Variants in NFIC observed in about 807,000 individuals in gnomAD.
NFIC encodes the protein nuclear factor 1 C-type.
NFIC carries 12 observed loss-of-function variants against 54.4 expected under a neutral mutation model. The observed-to-expected ratio is 0.22, with a 90% CI of 0.14 to 0.36. The LOEUF (loss-of-function observed/expected upper bound fraction) is 0.36. Among genes scored for constraint, NFIC ranks in the 10% least tolerant of loss-of-function variants. The pLI is 1.00. For synonymous variants in NFIC, 322 were observed against 319.2 expected (o/e 1.01, Z -0.09); for missense variants, 575 against 718.2 (o/e 0.80, Z 2.28).
rs1321389410 is a variant in NFIC, at chr19:3,369,924, T to C, written c.30+3258T>C. 6.6e-6 allele frequency among the ~76,000 whole-genome samples: 1 copy of C among 152,186 alleles called. No individual in the cohort carries two copies. Among genetic ancestry groups the C allele is most frequent in the African/African-American group, 2.4e-5 (1 of 41,452 alleles). ...CGTCCCATGCCCTCTCGGAGCACAA[T>C]GTGCTTTGCTGCCATTTCTCCAGCA... On this transcript the variant is annotated intron_variant, in intron 1 of 10. Transcript: ENST00000443272. The surrounding 1 kb of genome is among the most constrained non-coding windows in gnomAD (Gnocchi z 4.3).
At chr19:3,398,462 T>G (rs2081500101) in intron 2 of NFIC, among the ~76,000 whole-genome samples, 1 of 152,190 alleles carries the variant, frequency 6.6e-6, no homozygotes, top group Non-Finnish European at 1.5e-5. Flanking sequence ...TTGTGCAGCT[T>G]CAGGCTGCTC....
In NFIC at chr19:3,368,780, G is replaced by A. The variant is rs545704399; in HGVS notation, c.30+2114G>A. Among the ~76,000 whole-genome samples, 36 of 152,352 alleles carry A rather than the reference G, an allele frequency of 2.4e-4. 1 individual carries two copies. The South Asian group carries it at 7.2e-3, about 31-fold the overall frequency. On this transcript the variant is annotated intron_variant, in intron 1 of 10. Coordinates refer to ENST00000443272, the MANE Select transcript of NFIC (RefSeq NM_001245002.2). Reference sequence around the variant, plus strand: ...GCTGGGGGACTCAGAAGGACCCTGAGTGCCCCATGCAGGAGCCTCCCACCC... The same window carrying A: ...GCTGGGGGACTCAGAAGGACCCTGAATGCCCCATGCAGGAGCCTCCCACCC...
intron 2 of NFIC, among the ~76,000 whole-genome samples, chr19:3,424,825 C>T (rs1341731364): frequency 6.6e-6 from 1 of 152,214 alleles, no homozygotes; most frequent in African/African-American, 2.4e-5. Flanking sequence ...CTGAGCCGCC[C>T]CTGCAGAAGC....
intron 1 of NFIC, among the ~76,000 whole-genome samples, chr19:3,374,864 G>A (rs1243333207): frequency 6.6e-6 from 1 of 152,154 alleles, no homozygotes; most frequent in African/African-American, 2.4e-5. Flanking sequence ...CCCCTGGGGA[G>A]GACAAGGGAG....
chr19:3,365,933 C>G (rs1043863167), upstream of NFIC, among the ~76,000 whole-genome samples: 6 of 152,182 alleles, frequency 3.9e-5, no homozygotes, highest in African/African-American at 1.4e-4. Context: ...GAGAAGGGAG[C>G]CAGGGTGCTG....
At chr19:3,450,213 C>G (rs1399720321) in intron 7 of NFIC, among the ~76,000 whole-genome samples, 1 of 141,870 alleles carries the variant, frequency 7.0e-6, no homozygotes, top group African/African-American at 2.6e-5. Context: ...GGCGTGGTGG[C>G]AGGCGCCTGT....
At position 3,463,050 on chromosome 19, in the gene NFIC, AGG is replaced by A. The variant is rs2082664490; in HGVS notation, c.*282_*283del. 3 of 1,338,184 alleles carry A rather than the reference AGG, an allele frequency of 2.2e-6. No homozygotes were observed. Among genetic ancestry groups the A allele is most frequent in the Non-Finnish European group, 2.9e-6 (3 of 1,047,904 alleles). 82.9% of individuals were successfully genotyped at this position (1,338,184 alleles called of 1,614,324 possible). On this transcript the variant is annotated 3_prime_UTR_variant, in exon 11 of 11. Coordinates refer to ENST00000443272, the MANE Select transcript of NFIC (RefSeq NM_001245002.2). ...CCAACTCTCGGGACGCCAAGGCCGC[AGG>A]ACTGGAGGGCCAGGCCCCGCCACCC... is the stretch of plus-strand genomic sequence containing the variant.
chr19:3,382,474 G>A lies in NFIC; in HGVS notation c.562+231G>A, dbSNP rs115832452. ...GATGTGGTGGTCTGAGAGGGGAGGC[G>A]AGTCTAGGAGAATATGTAAAGTAGG... On this transcript the variant is annotated intron_variant, in intron 2 of 10. Transcript: ENST00000443272. Among the ~76,000 whole-genome samples, 573 of 150,694 alleles carry A rather than the reference G, an allele frequency of 3.8e-3. 1 individual carries two copies. Among genetic ancestry groups the A allele is most frequent in the African/African-American group, 0.014 (554 of 40,922 alleles).
chr19:3,359,884 G>A (rs2080787754), intron 1 of NFIC, among the ~76,000 whole-genome samples: 1 of 150,562 alleles, frequency 6.6e-6, no homozygotes, highest in Middle Eastern at 3.5e-3. Flanking sequence ...TGGGGGCGGA[G>A]CTGGCGCGCG....
At chr19:3,437,535 TTTTG>T (rs527907950) in intron 6 of NFIC, among the ~76,000 whole-genome samples, 4 of 151,956 alleles carry the variant, frequency 2.6e-5, no homozygotes, top group African/African-American at 4.8e-5. Context: ...GAGGTTCTTT[TTTTG>T]TTTGTTTGTT....
Position 3,427,416 on chromosome 19 carries a change from T to G in NFIC, c.634+2239T>G, listed in dbSNP as rs75399946. Among the ~76,000 whole-genome samples the G allele has an allele frequency of 3.3e-3, 495 of 152,194 alleles. 27 individuals carry two copies. The East Asian group carries it at 0.085, about 26-fold the overall frequency. On this transcript the variant is annotated intron_variant, in intron 3 of 10. Transcript: ENST00000443272. Reference sequence around the variant, plus strand: ...TGCCCTCAGGGCTTAGAATGGGGCCTGATGCAGAGTGGGTGCTCAATAAAT... The same window carrying G: ...TGCCCTCAGGGCTTAGAATGGGGCCGGATGCAGAGTGGGTGCTCAATAAAT...
chr19:3,381,395 CAAAAAAA>C (rs71164686), intron 1 of NFIC, among the ~76,000 whole-genome samples: 1 of 100,932 alleles, frequency 9.9e-6, no homozygotes, highest in African/African-American at 3.7e-5. Context: ...GACTCCGTCT[CAAAAAAA>C]AAAAAAAAAA....
At chr19:3,386,588 G>A (rs895304689) in intron 2 of NFIC, among the ~76,000 whole-genome samples, 1 of 152,080 alleles carries the variant, frequency 6.6e-6, no homozygotes, top group African/African-American at 2.4e-5. Flanking sequence ...CTCCCAAAGT[G>A]CTGGGATGAC....
intron 2 of NFIC, among the ~76,000 whole-genome samples, chr19:3,418,285 C>T (rs1359021026): frequency 6.6e-6 from 1 of 151,758 alleles, no homozygotes; most frequent in East Asian, 1.9e-4. Context: ...TTTGTAGAGA[C>T]GGGGTCTCGC....
intron 1 of NFIC, among the ~76,000 whole-genome samples, chr19:3,377,235 G>A (rs2081123369): frequency 6.7e-6 from 1 of 150,130 alleles, no homozygotes; most frequent in Non-Finnish European, 1.5e-5. Flanking sequence ...TCAGGAGGCT[G>A]AGGCAGGAGA....
At chr19:3,447,166 G>GT (rs369008750) in intron 6 of NFIC, among the ~76,000 whole-genome samples, 9 of 151,964 alleles carry the variant, frequency 5.9e-5, no homozygotes, top group African/African-American at 1.9e-4. Context: ...GGGCGTGGTG[G>GT]TGGGCGCCTG....
At chr19:3,434,962 C>T in intron 5 of NFIC, 121 bp from the exon 6 acceptor site, 1 of 1,326,162 alleles carries the variant, frequency 7.5e-7, no homozygotes, top group Non-Finnish European at 1.0e-6. Context: ...CCCGCGATGT[C>T]TCGCGATACT....
chr19:3,372,795 C>T (rs1290103434), intron 1 of NFIC, among the ~76,000 whole-genome samples: 1 of 151,568 alleles, frequency 6.6e-6, no homozygotes, highest in African/African-American at 2.4e-5. Context: ...TTTCATGCCT[C>T]AGTCTCCTCC....
rs2080980844 is a variant in NFIC, at chr19:3,370,466, A to C, written c.30+3800A>C. Among the ~76,000 whole-genome samples, 1 of 150,366 alleles carries C rather than the reference A, an allele frequency of 6.7e-6. No individual in the cohort carries two copies. Among genetic ancestry groups the C allele is most frequent in the Admixed American group, 6.6e-5 (1 of 15,168 alleles). ...AAATCACCAAAGCTGGGATTCTGGC[A>C]GAGTCAGCGTTCTCCTCTCTCTCTC... On this transcript the variant is annotated intron_variant, in intron 1 of 10. Coordinates refer to ENST00000443272, the MANE Select transcript of NFIC (RefSeq NM_001245002.2). The surrounding 1 kb of genome is among the most constrained non-coding windows in gnomAD (Gnocchi z 5.2).
Sources: allele counts gnomAD v4.1 joint callset (sites outside exome capture counted in the v4.1 genomes callset), GRCh38; gene constraint gnomAD v4.1.1; non-coding constraint Gnocchi (gnomAD v3.1); transcripts MANE v1.5; gene names NCBI Gene and HGNC (gene_info 2026-07-23, HGNC 2026-07-21).